SCUBE3: variants seen among roughly 807,000 people sequenced by gnomAD.
SCUBE3 encodes signal peptide, CUB domain and EGF like domain containing 3, also known as signal peptide, CUB and EGF-like domain-containing protein 3.
In SCUBE3, 33 loss-of-function variants were observed where a neutral mutation model predicts 116.8. The observed-to-expected ratio is 0.28, with a 90% CI of 0.21 to 0.38. SCUBE3 has a LOEUF of 0.38. Ranked by LOEUF, SCUBE3 falls within the 10% of genes least tolerant of loss-of-function variation. The pLI is 1.00. For synonymous variants in SCUBE3, 418 were observed against 496.9 expected (o/e 0.84, Z 2.11); for missense variants, 1,007 against 1,324.8 (o/e 0.76, Z 3.72).
At chr6:35,224,433 G>A (rs979183582) in intron 1 of SCUBE3, 5 of 152,040 alleles carry the variant, frequency 3.3e-5, no homozygotes, top group African/African-American at 1.2e-4. Context: ...TTCGAGACCA[G>A]CCTGGCCAAT....
chr6:35,225,899 G>C (rs1783302946), intron 1 of SCUBE3, among the ~76,000 whole-genome samples: 3 of 152,140 alleles, frequency 2.0e-5, no homozygotes, highest in Admixed American at 2.0e-4. Context: ...ATGGCCCATA[G>C]ATCACACTTG....
At chr6:35,242,918 G>A (rs1478800251) in intron 14 of SCUBE3, 103 bp from the exon 15 acceptor site, 1 of 1,492,420 alleles carries the variant, frequency 6.7e-7, no homozygotes, top group Non-Finnish European at 9.3e-7. Flanking sequence ...CTAAAAGCTA[G>A]TCCCTCTTAC....
Position 35,214,323 on chromosome 6 carries a change from T to TCCCCA in SCUBE3, c.-92_-91insACCCC. The TCCCCA allele has an allele frequency of 3.1e-6, 2 of 653,540 alleles. No individual in the cohort carries two copies. The highest frequency in any genetic ancestry group is 2.2e-6 in the Non-Finnish European group (1 of 462,084). The allele number at this position is 653,540 out of a possible 1,614,324, so 40.5% of individuals were successfully genotyped here. Reference sequence around the variant, plus strand: ...GGCCTGGCCCCGGCGGGGCGCCCCCTCCCCTCCCCCTCCTGCGAGCTGGGA... The same window carrying TCCCCA: ...GGCCTGGCCCCGGCGGGGCGCCCCCTCCCCACCCCTCCCCCTCCTGCGAGCTGGGA... On this transcript the variant is annotated 5_prime_UTR_variant, in exon 1 of 22. Coordinates refer to ENST00000274938, the MANE Select transcript of SCUBE3 (RefSeq NM_152753.4). The surrounding 1 kb of genome is among the most constrained non-coding windows in gnomAD (Gnocchi z 6.3).
Position 35,232,896 on chromosome 6 carries a change from C to T in SCUBE3, c.516C>T (p.Cys172=). 6 of 1,614,044 alleles carry T rather than the reference C, an allele frequency of 3.7e-6. No individual in the cohort carries two copies. The highest frequency in any genetic ancestry group is 5.1e-6 in the Non-Finnish European group (6 of 1,179,902). ...AGAACCACGGCTGTGCCCACATTTG[C>T]CGGGAGACACCCAAGGGGGGTATTG... ...MNKNHGCAHI[C]RETPKGGIAC... Residue 172 remains cysteine (C), a synonymous_variant, in exon 5 of 22, where the codon TGC becomes TGT. Coordinates refer to ENST00000274938, the MANE Select transcript of SCUBE3 (RefSeq NM_152753.4). The surrounding 1 kb of genome is among the most constrained non-coding windows in gnomAD (Gnocchi z 4.2).
rs1784050545 is a variant in SCUBE3 at position 35,241,528 on chromosome 6, C to T, written c.1196-15C>T. The T allele has an allele frequency of 6.3e-7, 1 of 1,580,708 alleles. No homozygotes were observed. The highest frequency in any genetic ancestry group is 8.7e-7 in the Non-Finnish European group (1 of 1,149,556). On this transcript the variant is annotated splice_polypyrimidine_tract_variant and intron_variant, in intron 10 of 21. Transcript: ENST00000274938. This position sits in a 1 kb window ranked among gnomAD's most constrained non-coding sequence, Gnocchi z 4.1. ...GGAATGCATTCATTTGCTCAGGCCT[C>T]TCTCCCCTTCCTAGAGCCACTGAAG...
intron 1 of SCUBE3, among the ~76,000 whole-genome samples, chr6:35,216,607 G>C (rs1562039198): frequency 6.6e-6 from 1 of 152,162 alleles, no homozygotes; most frequent in Admixed American, 6.5e-5. Flanking sequence ...TGACCAGGCG[G>C]GGCAACCTTA....
chr6:35,225,822 G>T (rs1014917929), intron 1 of SCUBE3, among the ~76,000 whole-genome samples: 13 of 152,100 alleles, frequency 8.5e-5, no homozygotes, highest in African/African-American at 3.1e-4. Context: ...ATCACTTAAG[G>T]ATTTGGATTC....
At chr6:35,225,633 G>C (rs1346663177) in intron 1 of SCUBE3, among the ~76,000 whole-genome samples, 1 of 152,188 alleles carries the variant, frequency 6.6e-6, no homozygotes, top group East Asian at 1.9e-4. Context: ...AGAATGAAGA[G>C]CTGAACGGAA....
At position 35,231,753 on chromosome 6, in the gene SCUBE3, C is replaced by T. The variant is rs374017955; in HGVS notation, c.363C>T (p.Gly121=). 21 of 1,612,986 alleles carry T rather than the reference C, an allele frequency of 1.3e-5. No individual in the cohort carries two copies. Among genetic ancestry groups the T allele is most frequent in the African/African-American group, 5.3e-5 (4 of 74,866 alleles). ...LDVDECAEGN[G]GCQQSCVNMM... is the part of the protein sequence containing the mutation. ...TGGACGAGTGTGCCGAGGGCAACGG[C>T]GGCTGTCAGCAGAGCTGTGTCAACA... The change falls in exon 4 of 22, where the codon GGC becomes GGT. Residue 121 remains glycine (G), a synonymous_variant. Transcript: ENST00000274938. The surrounding 1 kb of genome is among the most constrained non-coding windows in gnomAD (Gnocchi z 4.2).
In SCUBE3 at chr6:35,243,231, A is replaced by G. The variant is rs747243783; in HGVS notation, c.1904A>G (p.Lys635Arg). Residue 635 changes from lysine to arginine, a missense_variant, in exon 15 of 22, where the codon AAG becomes AGG. Physicochemically the swap from Lys to Arg is conservative, Grantham distance 26 (BLOSUM62 2). This residue lies in a region of SCUBE3 where 544 missense variants were observed against 638.9 expected (regional missense o/e 0.85). Coordinates refer to ENST00000274938, the MANE Select transcript of SCUBE3 (RefSeq NM_152753.4). The surrounding 1 kb of genome is among the most constrained non-coding windows in gnomAD (Gnocchi z 6.6). ...CCCGGGCAGCACCGTGCTGGGACCA[A>G]GTGTGGTAAGGGAGCTTACTGGGGA... is the stretch of plus-strand genomic sequence containing the variant. ...CRPGQHRAGT[K>R]CVSCPQGTYY... 1.2e-6 allele frequency: 2 copies of G among 1,613,506 alleles called. No homozygotes were observed. The highest frequency in any genetic ancestry group is 1.7e-6 in the Non-Finnish European group (2 of 1,179,780).
At position 35,228,685 on chromosome 6, in the gene SCUBE3, C is replaced by T. The variant is rs972674755; in HGVS notation, c.280C>T (p.Arg94Trp). The T allele has an allele frequency of 6.2e-6, 10 of 1,613,700 alleles. No homozygotes were observed. The highest frequency in any genetic ancestry group is 3.3e-5 in the South Asian group (3 of 91,074). Residue 94 changes from arginine (R) to tryptophan (W), a missense_variant, in exon 3 of 22, where the codon CGG becomes TGG. Physicochemically the swap from Arg to Trp is moderately radical, Grantham distance 101. Coordinates refer to ENST00000274938, the MANE Select transcript of SCUBE3 (RefSeq NM_152753.4). The surrounding 1 kb of genome is among the most constrained non-coding windows in gnomAD (Gnocchi z 4.9). ...HDCVNIPGNY[R>W]CTCYDGFHLA... is the part of the protein sequence containing the mutation. Reference sequence around the variant, plus strand: ...CTGTGTCAACATCCCTGGCAATTACCGGTGTACCTGCTATGATGGATTCCA... The same window carrying T: ...CTGTGTCAACATCCCTGGCAATTACTGGTGTACCTGCTATGATGGATTCCA...
In SCUBE3 at chr6:35,246,115, T is replaced by G. The variant is rs548000285; in HGVS notation, c.2752+19T>G. 4 of 1,613,134 alleles carry G rather than the reference T, an allele frequency of 2.5e-6. No individual in the cohort carries two copies. The African/African-American group carries it at 5.3e-5, about 22-fold the overall frequency. On this transcript the variant is annotated intron_variant, in intron 20 of 21. Coordinates refer to ENST00000274938, the MANE Select transcript of SCUBE3 (RefSeq NM_152753.4). The stretch of plus-strand genomic sequence containing the variant: ...TATGATGGTAAGCCAAGGAGGTGGG[T>G]GAGAAGGGGAGGTATGTCAGTTTTG...
At position 35,251,150 on chromosome 6, in the gene SCUBE3, CTTTTT is replaced by C. The variant is rs66748362; in HGVS notation, c.*2462_*2466del. ...CTAGGATAACTTTCTTTCTTTCTTT[CTTTTT>C]TTTTTTTTTTTTTTTTGAGATGGAG... is the stretch of plus-strand genomic sequence containing the variant. On this transcript the variant is annotated 3_prime_UTR_variant, in exon 22 of 22. Coordinates refer to ENST00000274938, the MANE Select transcript of SCUBE3 (RefSeq NM_152753.4). The C allele has an allele frequency of 2.4e-5, 2 of 84,428 alleles. No individual in the cohort carries two copies. The highest frequency in any genetic ancestry group is 4.4e-4 in the South Asian group (1 of 2,286). The allele number at this position is 84,428 out of a possible 1,614,324, so 5.2% of individuals were successfully genotyped here. A position where few individuals can be genotyped will look rare whatever the true frequency, so the allele number is the denominator to read the frequency against.
Position 35,248,612 on chromosome 6 carries a change from C to T in SCUBE3, c.2889C>T (p.Phe963=). 6.2e-7 allele frequency: 1 copy of T among 1,614,044 alleles called. No individual in the cohort carries two copies. Among genetic ancestry groups the T allele is most frequent in the Non-Finnish European group, 8.5e-7 (1 of 1,179,900 alleles). ...TGCTAGCCCACCCCCAGAACTACTT[C>T]AAGTACACAGAGAAACACAAGGAGA... ...FEVLAHPQNY[F]KYTEKHKEML... The change falls in exon 22 of 22, where the codon TTC becomes TTT. Residue 963 remains phenylalanine, a synonymous_variant. Coordinates refer to ENST00000274938, the MANE Select transcript of SCUBE3 (RefSeq NM_152753.4).
At chr6:35,227,341 A>C (rs962067674) in intron 1 of SCUBE3, among the ~76,000 whole-genome samples, 3 of 152,136 alleles carry the variant, frequency 2.0e-5, no homozygotes, top group Non-Finnish European at 4.4e-5. Flanking sequence ...CGAATGATGG[A>C]GTTTTAGCTG....
At position 35,231,973 on chromosome 6, in the gene SCUBE3, C is replaced by T. The variant is rs1323028192; in HGVS notation, c.469+114C>T. The T allele has an allele frequency of 2.2e-6, 2 of 917,814 alleles. No homozygotes were observed. The highest frequency in any genetic ancestry group is 3.2e-6 in the Non-Finnish European group (2 of 615,770). The allele number at this position is 917,814 out of a possible 1,614,324, so 56.9% of individuals were successfully genotyped here. On this transcript the variant is annotated intron_variant, in intron 4 of 21. Transcript: ENST00000274938. This position sits in a 1 kb window ranked among gnomAD's most constrained non-coding sequence, Gnocchi z 4.2. The stretch of plus-strand genomic sequence containing the variant: ...CCATTCTCAACTCAGCTAGCTCCTT[C>T]TTCTCTTGTCCTTCAACTCAATCAC...
Position 35,235,566 on chromosome 6 carries a change from C to A in SCUBE3, c.712+2265C>A. On this transcript the variant is annotated intron_variant, in intron 6 of 21. Coordinates refer to ENST00000274938, the MANE Select transcript of SCUBE3 (RefSeq NM_152753.4). The surrounding 1 kb of genome is among the most constrained non-coding windows in gnomAD (Gnocchi z 4.5). ...AAGGGCTAACCCGCTGGGGCTCCCACTAACTGCATGCCCACTGGGCCCAGC... is the reference window on the plus strand; with the variant it reads ...AAGGGCTAACCCGCTGGGGCTCCCAATAACTGCATGCCCACTGGGCCCAGC... 1 of 839,742 alleles carries A rather than the reference C, an allele frequency of 1.2e-6. No individual in the cohort carries two copies. Among genetic ancestry groups the A allele is most frequent in the South Asian group, 1.4e-5 (1 of 71,228 alleles). 52.0% of individuals were successfully genotyped at this position (839,742 alleles called of 1,614,324 possible). A position where few individuals can be genotyped will look rare whatever the true frequency, so the allele number is the denominator to read the frequency against.
At position 35,252,141 on chromosome 6, in the gene SCUBE3, C is replaced by T. The variant is rs1277381311; in HGVS notation, c.*3436C>T. 1 of 152,272 alleles carries T rather than the reference C, an allele frequency of 6.6e-6. No homozygotes were observed. Among genetic ancestry groups the T allele is most frequent in the African/African-American group, 2.4e-5 (1 of 41,462 alleles). The allele number at this position is 152,272 out of a possible 1,614,324, so 9.4% of individuals were successfully genotyped here. A position where few individuals can be genotyped will look rare whatever the true frequency, so the allele number is the denominator to read the frequency against. The stretch of plus-strand genomic sequence containing the variant: ...TCAGCAACATGGCAGTTCCTCTTTA[C>T]TTCTCTGCCTCCCTCTTTCTATATT... On this transcript the variant is annotated 3_prime_UTR_variant, in exon 22 of 22. Coordinates refer to ENST00000274938, the MANE Select transcript of SCUBE3 (RefSeq NM_152753.4).
At chr6:35,248,124 A>G (rs1448169596) in intron 21 of SCUBE3, among the ~76,000 whole-genome samples, 1 of 152,164 alleles carries the variant, frequency 6.6e-6, no homozygotes, top group Admixed American at 6.5e-5. Context: ...AATTAAAAAC[A>G]CAAAAAGTCA....
Sources: gnomAD v4.1 joint callset for allele counts (sites outside exome capture counted in the v4.1 genomes callset) on GRCh38, gnomAD v4.1.1 for gene constraint, gnomAD v4.1.1 regional missense constraint, Gnocchi (gnomAD v3.1) non-coding constraint, MANE v1.5 for transcripts, NCBI Gene and HGNC (gene_info 2026-07-23, HGNC 2026-07-21) for gene names.